AOPEP: variants seen among roughly 807,000 people sequenced by gnomAD.
AOPEP encodes the protein aminopeptidase O (putative).
A neutral mutation model predicts 98.1 loss-of-function variants in AOPEP; 77 were observed. The observed-to-expected ratio is 0.78, with a 90% CI of 0.65 to 0.95. The LOEUF (loss-of-function observed/expected upper bound fraction) is 0.95. Ranked by LOEUF, AOPEP falls within the 40% of genes least tolerant of loss-of-function variation. AOPEP has a pLI of 0.00. For synonymous variants in AOPEP, 346 were observed against 365.3 expected, an observed-to-expected ratio of 0.95 and a Z score of 0.60; for missense variants, 1,024 against 1,024.7, an observed-to-expected ratio of 1.00 and a Z score of 0.01.
rs909646256 is a variant in AOPEP at position 95,016,510 on chromosome 9, T to C, written c.2115+10894T>C. Among the ~76,000 whole-genome samples the C allele has an allele frequency of 2.0e-5, 3 of 152,150 alleles. No homozygotes were observed. In the South Asian group the frequency reaches 6.2e-4, roughly 32 times the overall value. On this transcript the variant is annotated intron_variant, in intron 13 of 16. Coordinates refer to ENST00000375315, the MANE Select transcript of AOPEP (RefSeq NM_001193329.3). ...TACCCACTTTGGCCTCCCAAAGTGC[T>C]GGGATTACAGGTGTGAGCCACCGCG...
At chr9:94,873,951 T>G (rs1471225567) in intron 5 of AOPEP, among the ~76,000 whole-genome samples, 5 of 152,174 alleles carry the variant, frequency 3.3e-5, no homozygotes. Context: ...TATTAGTAGT[T>G]TATTGAGTAC....
At chr9:94,818,662 C>G (rs954802002) in intron 5 of AOPEP, among the ~76,000 whole-genome samples, 1 of 152,224 alleles carries the variant, frequency 6.6e-6, no homozygotes, top group Non-Finnish European at 1.5e-5. Context: ...TTATTTGATT[C>G]AGCTCAAAAT....
chr9:94,825,461 A>G (rs1477734930), intron 5 of AOPEP, among the ~76,000 whole-genome samples: 1 of 152,242 alleles, frequency 6.6e-6, no homozygotes, highest in Non-Finnish European at 1.5e-5. Context: ...GGAAACATAC[A>G]TCTTTATTTG....
intron 14 of AOPEP, among the ~76,000 whole-genome samples, chr9:95,078,233 C>A (rs569356582): frequency 1.2e-4 from 19 of 152,310 alleles, no homozygotes; most frequent in Admixed American, 5.2e-4. Flanking sequence ...TCTGGACCTG[C>A]ACCAGCTGTG....
At chr9:95,129,400 C>T in the AOPEP span, among the ~76,000 whole-genome samples, 14 of 152,200 alleles carry the variant, frequency 9.2e-5, no homozygotes, top group East Asian at 1.4e-3. Context: ...TTTTAATACA[C>T]GCTTCTTTGG....
At chr9:94,801,033 C>T (rs754298472) in intron 5 of AOPEP, 31 bp downstream of exon 5, 1 of 1,609,668 alleles carries the variant, frequency 6.2e-7, no homozygotes. Context: ...ACTTGGGGTA[C>T]ATACATTTTG....
rs140578937 is a variant in AOPEP, at chr9:95,024,157, G to T, written c.2115+18541G>T. On this transcript the variant is annotated intron_variant, in intron 13 of 16. Transcript: ENST00000375315. ...TGTCAAATGTTAGATCAGCCAGCCG[G>T]CTCTATCATCCAGGCAGGTTGTTGT... is the stretch of plus-strand genomic sequence containing the variant. Among the ~76,000 whole-genome samples the T allele has an allele frequency of 3.3e-5, 5 of 152,302 alleles. No individual in the cohort carries two copies. In the East Asian group the frequency reaches 7.7e-4, roughly 23 times the overall value.
chr9:95,106,715 G>C, the AOPEP span, among the ~76,000 whole-genome samples: 2 of 152,164 alleles, frequency 1.3e-5, no homozygotes. Context: ...CATTCTCATC[G>C]TGGCCTTACT....
chr9:95,009,866 A>G (rs4743976), intron 13 of AOPEP, among the ~76,000 whole-genome samples: 139,582 of 151,936 alleles, frequency 0.92, 64,482 homozygotes, highest in Middle Eastern at 0.98. Context: ...TGAAAAGTAT[A>G]GACTTTATAG....
At chr9:94,893,235 G>A (rs556069176) in intron 5 of AOPEP, among the ~76,000 whole-genome samples, 1 of 152,176 alleles carries the variant, frequency 6.6e-6, no homozygotes, top group African/African-American at 2.4e-5. Flanking sequence ...ACACCCTTTT[G>A]GGTGCATTAT....
intron 5 of AOPEP, among the ~76,000 whole-genome samples, chr9:94,841,068 G>T (rs995341361): frequency 1.3e-5 from 2 of 151,924 alleles, no homozygotes; most frequent in Admixed American, 6.6e-5. Flanking sequence ...AGTTTCTTAA[G>T]GTAGCAACTT....
Position 94,892,058 on chromosome 9 carries a change from A to G in AOPEP, c.1365-31928A>G, listed in dbSNP as rs370869115. Among the ~76,000 whole-genome samples, 3 of 152,262 alleles carry G rather than the reference A, an allele frequency of 2.0e-5. No homozygotes were observed. In the East Asian group the frequency reaches 5.8e-4, roughly 29 times the overall value. ...AGATGGGACAACCACTGTCTTTCAA[A>G]TTAGTATTTACTTATAGATAATGTG... On this transcript the variant is annotated intron_variant, in intron 5 of 16. Coordinates refer to ENST00000375315, the MANE Select transcript of AOPEP (RefSeq NM_001193329.3).
chr9:95,024,009 T>C (rs1262015447), intron 13 of AOPEP, among the ~76,000 whole-genome samples: 2 of 152,216 alleles, frequency 1.3e-5, no homozygotes, highest in Non-Finnish European at 2.9e-5. Context: ...TGGATAAAGC[T>C]CAGTGGACCG....
the AOPEP span, chr9:95,099,980 A>T: frequency 7.6e-3 from 1,776 of 232,280 alleles, 30 homozygotes; most frequent in African/African-American, 0.037. Flanking sequence ...CCTCCACAAC[A>T]GGAGGCCTGG....
chr9:95,147,406 C>G, the AOPEP span, among the ~76,000 whole-genome samples: 1 of 152,156 alleles, frequency 6.6e-6, no homozygotes, highest in Non-Finnish European at 1.5e-5. Flanking sequence ...ATCCCAGCTA[C>G]TCGGGAGGCT....
chr9:95,012,987 T>G (rs866092660), intron 13 of AOPEP, among the ~76,000 whole-genome samples: 1,191 of 62,564 alleles, frequency 0.019, 19 homozygotes, highest in African/African-American at 0.038. Context: ...GTTTTTTTTT[T>G]GGGGGGGGGG....
chr9:95,083,410 C>T (rs912275265), intron 16 of AOPEP, among the ~76,000 whole-genome samples: 10 of 151,050 alleles, frequency 6.6e-5, no homozygotes, highest in African/African-American at 1.5e-4. Flanking sequence ...GCACGCACCA[C>T]GCAGAGCACA....
At chr9:95,051,865 G>A (rs867788170) in intron 13 of AOPEP, among the ~76,000 whole-genome samples, 8 of 151,918 alleles carry the variant, frequency 5.3e-5, no homozygotes, top group African/African-American at 1.5e-4. Context: ...CACCACACCC[G>A]GCTCATTTTT....
chr9:94,921,508 A>G (rs1284755524), intron 5 of AOPEP, among the ~76,000 whole-genome samples: 1 of 152,248 alleles, frequency 6.6e-6, no homozygotes, highest in Non-Finnish European at 1.5e-5. Context: ...AAGAGGTTAA[A>G]TCTACTTAAC....
Sources: allele counts gnomAD v4.1 joint callset (sites outside exome capture counted in the v4.1 genomes callset), GRCh38; gene constraint gnomAD v4.1.1; transcripts MANE v1.5; gene names NCBI Gene and HGNC (gene_info 2026-07-23, HGNC 2026-07-21).